The following SPAG16 variants were observed in gnomAD, a reference collection of about 807,000 sequenced individuals.
SPAG16 encodes sperm associated antigen 16.
In SPAG16, 86 loss-of-function variants were observed where a neutral mutation model predicts 80.4. That is an observed-to-expected ratio of 1.07 (90% confidence interval 0.90 to 1.28). The LOEUF (loss-of-function observed/expected upper bound fraction) is 1.28. Among genes scored for constraint, SPAG16 ranks in the 50% most tolerant of loss-of-function variants. The pLI is 0.00. For synonymous variants in SPAG16, 294 were observed against 265.9 expected, an observed-to-expected ratio of 1.11 and a Z score of -1.03; for missense variants, 870 against 765.3, an observed-to-expected ratio of 1.14 and a Z score of -1.61.
At chr2:214,091,704 G>A (rs1862063) in intron 13 of SPAG16, among the ~76,000 whole-genome samples, 87,073 of 151,852 alleles carry the variant, frequency 0.57, 25,930 homozygotes, top group African/African-American at 0.62. Context: ...TTGTTTTCTA[G>A]TTTACTTATG....
At chr2:214,121,288 T>G (rs563148888) in intron 14 of SPAG16, among the ~76,000 whole-genome samples, 1 of 151,992 alleles carries the variant, frequency 6.6e-6, no homozygotes, top group Admixed American at 6.6e-5. Flanking sequence ...TCATTAGATC[T>G]TATTTATTTC....
intron 15 of SPAG16, among the ~76,000 whole-genome samples, chr2:214,227,232 A>G (rs1313323310): frequency 6.6e-6 from 1 of 152,064 alleles, no homozygotes; most frequent in Non-Finnish European, 1.5e-5. Context: ...GAGATTCCAC[A>G]TCTTCTTATT....
chr2:214,273,351 C>G (rs1692184718), intron 15 of SPAG16, among the ~76,000 whole-genome samples: 1 of 152,130 alleles, frequency 6.6e-6, no homozygotes, highest in African/African-American at 2.4e-5. Flanking sequence ...GTATTTTAGA[C>G]ATGAAGCCCT....
intron 8 of SPAG16, among the ~76,000 whole-genome samples, chr2:213,369,950 G>T (rs1329573227): frequency 6.6e-6 from 1 of 152,092 alleles, no homozygotes; most frequent in Non-Finnish European, 1.5e-5. Context: ...TTTTGATGTT[G>T]TACGTTCTGT....
At chr2:213,897,700 A>G (rs1367676103) in intron 11 of SPAG16, among the ~76,000 whole-genome samples, 2 of 152,146 alleles carry the variant, frequency 1.3e-5, no homozygotes, top group Non-Finnish European at 2.9e-5. Flanking sequence ...GCTAATCTAT[A>G]CCTTCAGATG....
intron 11 of SPAG16, among the ~76,000 whole-genome samples, chr2:213,910,166 A>G (rs116502464): frequency 6.6e-6 from 1 of 152,200 alleles, no homozygotes; most frequent in East Asian, 1.9e-4. Flanking sequence ...ATTGTGACTA[A>G]TAGCCTTTTT....
At chr2:213,732,041 G>T (rs2067069228) in intron 10 of SPAG16, among the ~76,000 whole-genome samples, 1 of 152,082 alleles carries the variant, frequency 6.6e-6, no homozygotes, top group Admixed American at 6.5e-5. Flanking sequence ...GGTTTATATA[G>T]TTTTTGGTTT....
chr2:213,870,719 T>G (rs927372086), intron 11 of SPAG16, among the ~76,000 whole-genome samples: 1 of 152,158 alleles, frequency 6.6e-6, no homozygotes, highest in Admixed American at 6.6e-5. Flanking sequence ...TTATTATGGT[T>G]GTTGTTGTTT....
rs539093900 is a variant in SPAG16, at chr2:213,551,513, G to A, written c.1070+61423G>A. On this transcript the variant is annotated intron_variant, in intron 10 of 15. Transcript: ENST00000331683. ...GTATCAGAGTATCAGAAATGTTCTG[G>A]CCTGATAAAATGAAGTTGGGACACT... 3.9e-5 allele frequency among the ~76,000 whole-genome samples: 6 copies of A among 152,166 alleles called. No homozygotes were observed. The South Asian group carries it at 1.2e-3, about 32-fold the overall frequency.
At chr2:214,113,986 G>A (rs945770851) in intron 14 of SPAG16, among the ~76,000 whole-genome samples, 8 of 152,112 alleles carry the variant, frequency 5.3e-5, no homozygotes, top group East Asian at 3.9e-4. Flanking sequence ...CTTTGATGTC[G>A]GTGACCTGCA....
At chr2:213,929,000 CTTTTTTTTTTTTTTTTT>C (rs59993057) in intron 11 of SPAG16, among the ~76,000 whole-genome samples, 5 of 40,834 alleles carry the variant, frequency 1.2e-4, no homozygotes, top group Non-Finnish European at 1.6e-4. Context: ...CTTTTCTTTT[CTTTTTTTTTTTTTTTTT>C]TTTTTTTTTT....
At chr2:213,700,622 C>T (rs1475572931) in intron 10 of SPAG16, among the ~76,000 whole-genome samples, 1 of 152,116 alleles carries the variant, frequency 6.6e-6, no homozygotes, top group Non-Finnish European at 1.5e-5. Flanking sequence ...CAGTAATTCT[C>T]TCACTTTGCA....
At chr2:214,141,653 T>C (rs1375951764) in intron 14 of SPAG16, among the ~76,000 whole-genome samples, 3 of 152,194 alleles carry the variant, frequency 2.0e-5, no homozygotes, top group Non-Finnish European at 4.4e-5. Flanking sequence ...CAAAGTGATA[T>C]TTAACTAAAG....
chr2:214,405,690 C>T (rs955488757), intron 15 of SPAG16, among the ~76,000 whole-genome samples: 3 of 151,898 alleles, frequency 2.0e-5, no homozygotes, highest in Admixed American at 6.6e-5. Flanking sequence ...CCAGCTACTC[C>T]GGAGGCTGAG....
chr2:214,315,661 G>A (rs1032160873), intron 15 of SPAG16, among the ~76,000 whole-genome samples: 1 of 151,982 alleles, frequency 6.6e-6, no homozygotes, highest in Non-Finnish European at 1.5e-5. Context: ...TACTCTGAGT[G>A]TCTGGGACTA....
Position 213,295,997 on chromosome 2 carries a change from C to A in SPAG16, c.137-67C>A. The A allele has an allele frequency of 2.2e-6, 3 of 1,367,108 alleles. No homozygotes were observed. The South Asian group carries it at 3.5e-5, about 16-fold the overall frequency. The allele number at this position is 1,367,108 out of a possible 1,614,324, so 84.7% of individuals were successfully genotyped here. Reference sequence around the variant, plus strand: ...TGAATCCAATACTATATTTGAAGGTCAAATCAATTTTTGTGCAATAATTTT... The same window carrying A: ...TGAATCCAATACTATATTTGAAGGTAAAATCAATTTTTGTGCAATAATTTT... On this transcript the variant is annotated intron_variant, in intron 1 of 15. Coordinates refer to ENST00000331683, the MANE Select transcript of SPAG16 (RefSeq NM_024532.5).
intron 10 of SPAG16, among the ~76,000 whole-genome samples, chr2:213,738,625 T>TC (rs1425965430): frequency 6.6e-6 from 1 of 152,236 alleles, no homozygotes; most frequent in Non-Finnish European, 1.5e-5. Flanking sequence ...TTAAAAATTA[T>TC]CATTGCTTTC....
At chr2:213,636,161 T>G (rs905108399) in intron 10 of SPAG16, among the ~76,000 whole-genome samples, 1 of 152,226 alleles carries the variant, frequency 6.6e-6, no homozygotes, top group Non-Finnish European at 1.5e-5. Context: ...TTTATTCTTC[T>G]ACATGTGGCT....
intron 13 of SPAG16, among the ~76,000 whole-genome samples, chr2:214,026,776 A>G (rs1332054645): frequency 2.0e-5 from 3 of 151,550 alleles, no homozygotes; most frequent in Non-Finnish European, 4.4e-5. Context: ...AGAAAGATTG[A>G]TAACCCAATC....
Sources: allele counts gnomAD v4.1 joint callset (sites outside exome capture counted in the v4.1 genomes callset), GRCh38; gene constraint gnomAD v4.1.1; transcripts MANE v1.5; gene names NCBI Gene and HGNC (gene_info 2026-07-23, HGNC 2026-07-21).